Variants in RNF150 observed in about 807,000 individuals in gnomAD.
The protein encoded by RNF150 is ring finger protein 150.
A neutral mutation model predicts 39.3 loss-of-function variants in RNF150; 24 were observed. The ratio of observed to expected loss-of-function variants is 0.61; its 90% CI spans 0.44 to 0.86. The LOEUF is 0.86. RNF150 is among the 40% of genes least tolerant of loss of function. RNF150 has a pLI of 0.00. For missense variants in RNF150, 502 were observed against 587.8 expected (o/e 0.85, Z 1.51); for synonymous variants, 255 against 227.3 (o/e 1.12, Z -1.10).
Position 141,154,191 on chromosome 4 carries a change from G to A in RNF150, c.-6+58603C>T, listed in dbSNP as rs1406157315. Among the ~76,000 whole-genome samples the A allele has an allele frequency of 2.0e-5, 3 of 152,178 alleles. No individual in the cohort carries two copies. In the East Asian group the frequency reaches 5.8e-4, roughly 29 times the overall value. Reference sequence around the variant, plus strand: ...AGTAAACAACAGGAGGAGCTCTGCTGTAATAGTTGACATAAAGCAGAAAGA... The same window carrying A: ...AGTAAACAACAGGAGGAGCTCTGCTATAATAGTTGACATAAAGCAGAAAGA... On this transcript the variant is annotated intron_variant, in intron 1 of 7. Transcript: ENST00000420921.
intron 2 of RNF150, among the ~76,000 whole-genome samples, chr4:140,949,741 T>G (rs1377624273): frequency 6.6e-6 from 1 of 151,916 alleles, no homozygotes; most frequent in Non-Finnish European, 1.5e-5. Flanking sequence ...GACACAGAGA[T>G]AGCCAATCTG....
intron 2 of RNF150, among the ~76,000 whole-genome samples, chr4:140,963,939 A>T (rs1733138974): frequency 6.6e-6 from 1 of 152,004 alleles, no homozygotes; most frequent in South Asian, 2.1e-4. Flanking sequence ...AGAAGACTAC[A>T]CGGGAAAATA....
intron 1 of RNF150, among the ~76,000 whole-genome samples, chr4:141,037,971 T>C (rs1030680622): frequency 2.6e-5 from 4 of 152,172 alleles, no homozygotes. Flanking sequence ...AAAATATATA[T>C]GATTGTTTAT....
At chr4:141,072,410 A>C (rs1022094838) in intron 1 of RNF150, among the ~76,000 whole-genome samples, 1 of 152,208 alleles carries the variant, frequency 6.6e-6, no homozygotes, top group Non-Finnish European at 1.5e-5. Flanking sequence ...ATGATGAAAA[A>C]GATTCTAATG....
intron 1 of RNF150, among the ~76,000 whole-genome samples, chr4:141,021,207 A>G (rs1735477149): frequency 6.6e-6 from 1 of 152,128 alleles, no homozygotes; most frequent in Non-Finnish European, 1.5e-5. Flanking sequence ...CCAATTAGGT[A>G]TCAAGCAGGG....
intron 1 of RNF150, among the ~76,000 whole-genome samples, chr4:141,038,422 G>C (rs1736229253): frequency 6.6e-6 from 1 of 152,192 alleles, no homozygotes; most frequent in Non-Finnish European, 1.5e-5. Flanking sequence ...GGGCATGGTG[G>C]CTCATGCCTG....
Position 140,949,902 on chromosome 4 carries a change from T to G in RNF150, c.736-530A>C, listed in dbSNP as rs78104742. Among the ~76,000 whole-genome samples, 31 of 152,322 alleles carry G rather than the reference T, an allele frequency of 2.0e-4. No individual in the cohort carries two copies. In the East Asian group the frequency reaches 5.8e-3, roughly 28 times the overall value. ...CACATTCTCATGTGGCAATTTTACC[T>G]CCTTTATGCATGTTTAAGTGTGAGT... On this transcript the variant is annotated intron_variant, in intron 2 of 6. Transcript: ENST00000515673.
chr4:141,122,553 T>C (rs1726642231), intron 1 of RNF150, among the ~76,000 whole-genome samples: 1 of 152,226 alleles, frequency 6.6e-6, no homozygotes, highest in South Asian at 2.1e-4. Context: ...ACTAATCCCA[T>C]ACTCTGGAAC....
chr4:140,929,387 G>C (rs1731528942), intron 4 of RNF150, among the ~76,000 whole-genome samples: 1 of 84,008 alleles, frequency 1.2e-5, no homozygotes. Context: ...TTTTTTTTGA[G>C]ATGGAGTCTT....
chr4:141,205,271 T>A (rs1383627074), intron 1 of RNF150, among the ~76,000 whole-genome samples: 1 of 152,164 alleles, frequency 6.6e-6, no homozygotes, highest in African/African-American at 2.4e-5. Context: ...ATACAATGTT[T>A]ATAAGATGTT....
intron 4 of RNF150, among the ~76,000 whole-genome samples, chr4:140,936,501 C>T (rs1731868748): frequency 6.6e-6 from 1 of 151,892 alleles, no homozygotes; most frequent in African/African-American, 2.4e-5. Flanking sequence ...ATGCCATACA[C>T]CAGCATAAAT....
chr4:141,101,604 CTTTA>C (rs1204279455), intron 1 of RNF150, among the ~76,000 whole-genome samples: 2 of 151,880 alleles, frequency 1.3e-5, no homozygotes, highest in African/African-American at 4.8e-5. Context: ...TGTAACATAG[CTTTA>C]TTATTATGTA....
intron 1 of RNF150, among the ~76,000 whole-genome samples, chr4:141,064,068 C>T (rs900349375): frequency 5.3e-5 from 8 of 150,750 alleles, no homozygotes; most frequent in African/African-American, 1.2e-4. Context: ...CTAGTTAAAC[C>T]AAAGCCTTTC....
Position 140,967,762 on chromosome 4 carries a change from T to A in RNF150, c.596A>T (p.Asn199Ile). ...VTMYITIGTR[N>I]LQKYVSRTSV... ...AGTGCGGCTCACATATTTCTGCAAG[T>A]TCCGGGTTCCGATGGTGATGTACAT... Residue 199 changes from asparagine to isoleucine, a missense_variant, in exon 2 of 7, where the codon AAC (asparagine) becomes ATC (isoleucine). Transcript: ENST00000515673. 1 of 1,613,568 alleles carries A rather than the reference T, an allele frequency of 6.2e-7. No individual in the cohort carries two copies. Among genetic ancestry groups the A allele is most frequent in the Non-Finnish European group, 8.5e-7 (1 of 1,179,656 alleles).
At chr4:141,089,232 G>A (rs1435777862) in intron 1 of RNF150, among the ~76,000 whole-genome samples, 1 of 150,654 alleles carries the variant, frequency 6.6e-6, no homozygotes, top group Non-Finnish European at 1.5e-5. Context: ...GATTTGGTGG[G>A]CTCTGTCTGC....
chr4:141,160,696 A>G (rs1010195090), intron 1 of RNF150, among the ~76,000 whole-genome samples: 4 of 152,132 alleles, frequency 2.6e-5, no homozygotes, highest in Admixed American at 2.6e-4. Flanking sequence ...AGTTCTCACA[A>G]GAGCTGGTTG....
intron 1 of RNF150, among the ~76,000 whole-genome samples, chr4:140,984,636 T>G (rs1253852121): frequency 1.3e-5 from 2 of 152,138 alleles, no homozygotes; most frequent in Admixed American, 1.3e-4. Flanking sequence ...TACATTTTAG[T>G]GCACATTGTC....
chr4:141,091,915 A>G (rs1049554483), intron 1 of RNF150, among the ~76,000 whole-genome samples: 1 of 151,858 alleles, frequency 6.6e-6, no homozygotes, highest in Non-Finnish European at 1.5e-5. Flanking sequence ...ATACACATAT[A>G]TGGTGCCAAA....
intron 1 of RNF150, among the ~76,000 whole-genome samples, chr4:141,208,485 C>T (rs1728412371): frequency 6.6e-6 from 1 of 152,204 alleles, no homozygotes; most frequent in Non-Finnish European, 1.5e-5. Context: ...AAGCTCCATT[C>T]TACCTGGATG....
Sources: gnomAD v4.1 joint callset for allele counts (sites outside exome capture counted in the v4.1 genomes callset) on GRCh38, gnomAD v4.1.1 for gene constraint, MANE v1.5 for transcripts, NCBI Gene and HGNC (gene_info 2026-07-23, HGNC 2026-07-21) for gene names.